SPATS1: variants seen among roughly 807,000 people sequenced by gnomAD.
The protein encoded by SPATS1 is spermatogenesis-associated serine-rich protein 1.
In SPATS1, 23 loss-of-function variants were observed where a neutral mutation model predicts 33.6. The ratio of observed to expected loss-of-function variants is 0.68; its 90% CI spans 0.49 to 0.97. The LOEUF is 0.97. Ranked by LOEUF, SPATS1 falls within the 50% of genes least tolerant of loss-of-function variation. The pLI is 0.00. For missense variants in SPATS1, 327 were observed against 361.0 expected, an observed-to-expected ratio of 0.91 and a Z score of 0.76; for synonymous variants, 131 against 125.6, an observed-to-expected ratio of 1.04 and a Z score of -0.29.
chr6:44,343,061 G>A, intron 1 of SPATS1, 35 bp from the exon 2 acceptor site: 1 of 1,612,148 alleles, frequency 6.2e-7, no homozygotes, highest in Non-Finnish European at 8.5e-7. Context: ...TTGTCTCTGG[G>A]TTGCTTCTAA....
intron 2 of SPATS1, among the ~76,000 whole-genome samples, chr6:44,343,813 A>G (rs1787711036): frequency 6.6e-6 from 1 of 152,146 alleles, no homozygotes. Context: ...TCTCCCAGAA[A>G]AGCTCAGAGT....
At chr6:44,357,764 T>A (rs180748911) in intron 3 of SPATS1, among the ~76,000 whole-genome samples, 4 of 152,288 alleles carry the variant, frequency 2.6e-5, no homozygotes, top group Admixed American at 6.5e-5. Context: ...CCTACCCAGT[T>A]TTAATGAGTA....
intron 2 of SPATS1, among the ~76,000 whole-genome samples, chr6:44,348,512 T>C (rs1161571860): frequency 6.6e-6 from 1 of 152,152 alleles, no homozygotes; most frequent in Non-Finnish European, 1.5e-5. Context: ...GAATTTTTGA[T>C]TTTGAACACT....
chr6:44,349,555 A>G (rs551305293), intron 2 of SPATS1, among the ~76,000 whole-genome samples: 2 of 152,334 alleles, frequency 1.3e-5, no homozygotes, highest in African/African-American at 2.4e-5. Context: ...CAATAAGTAT[A>G]AAATAAAAAT....
At chr6:44,367,599 T>C (rs1022310403) in intron 5 of SPATS1, among the ~76,000 whole-genome samples, 12 of 152,242 alleles carry the variant, frequency 7.9e-5, no homozygotes, top group Non-Finnish European at 1.5e-4. Flanking sequence ...ATGGAGGTCA[T>C]GCTTCCAGCC....
At chr6:44,359,977 G>A (rs1040555840) in intron 3 of SPATS1, among the ~76,000 whole-genome samples, 2 of 151,974 alleles carry the variant, frequency 1.3e-5, no homozygotes, top group Non-Finnish European at 2.9e-5. Context: ...TCCACTTTTT[G>A]GCTGTTGTGA....
At chr6:44,364,379 T>A (rs1265517365) in intron 5 of SPATS1, among the ~76,000 whole-genome samples, 1 of 152,220 alleles carries the variant, frequency 6.6e-6, no homozygotes, top group African/African-American at 2.4e-5. Context: ...TCTGTTAAGT[T>A]TCTTTCTCCC....
At chr6:44,370,900 A>G (rs1250512408) in intron 7 of SPATS1, among the ~76,000 whole-genome samples, 1 of 151,994 alleles carries the variant, frequency 6.6e-6, no homozygotes, top group Non-Finnish European at 1.5e-5. Context: ...GCTTTTGTAC[A>G]TTACCTTTCA....
At chr6:44,348,073 A>C (rs936596197) in intron 2 of SPATS1, among the ~76,000 whole-genome samples, 1 of 150,532 alleles carries the variant, frequency 6.6e-6, no homozygotes, top group Admixed American at 6.6e-5. Context: ...GTGTGGCATG[A>C]TCTCAGGTCA....
chr6:44,379,652 AC>A lies in SPATS1; in HGVS notation c.*2591del, dbSNP rs1254487252. Among the ~76,000 whole-genome samples, 1 of 150,250 alleles carries A rather than the reference AC, an allele frequency of 6.7e-6. No homozygotes were observed. Among genetic ancestry groups the A allele is most frequent in the African/African-American group, 2.4e-5 (1 of 41,114 alleles). On this transcript the variant is annotated 3_prime_UTR_variant, in exon 9 of 9. Transcript: ENST00000674044. Reference sequence around the variant, plus strand: ...AGAAAGAAAGAAAGAAAGAAAAACAACCAAAATACAGTTTTAGAAGGTTTGG... The same window carrying A: ...AGAAAGAAAGAAAGAAAGAAAAACAACAAAATACAGTTTTAGAAGGTTTGG...
chr6:44,346,079 G>T (rs1281490611), intron 2 of SPATS1, among the ~76,000 whole-genome samples: 6 of 152,094 alleles, frequency 3.9e-5, no homozygotes, highest in African/African-American at 1.4e-4. Flanking sequence ...TCAGGAGTTT[G>T]AGAGCAGCCT....
At position 44,380,087 on chromosome 6, in the gene SPATS1, T is replaced by C. The variant is rs1790136673; in HGVS notation, c.*3024T>C. ...TATCATAGCTGTTCCAGCTTTTGCT[T>C]CTTTCCAGCTAGAAAGAGGTTGAAC... On this transcript the variant is annotated 3_prime_UTR_variant, in exon 9 of 9. Transcript: ENST00000674044. Among the ~76,000 whole-genome samples the C allele has an allele frequency of 6.6e-6, 1 of 152,210 alleles. No homozygotes were observed. Among genetic ancestry groups the C allele is most frequent in the East Asian group, 1.9e-4 (1 of 5,198 alleles).
rs1790056056 is a variant in SPATS1 at position 44,378,172 on chromosome 6, G to A, written c.*1109G>A. ...CAGTGACCACCAGTCATGAGTTTTA[G>A]GGCCTCCTGTCAATCAGACAAGAAG... On this transcript the variant is annotated 3_prime_UTR_variant, in exon 9 of 9. Transcript: ENST00000674044. 2 of 152,090 alleles carry A rather than the reference G, an allele frequency of 1.3e-5. No homozygotes were observed. The highest frequency in any genetic ancestry group is 2.9e-5 in the Non-Finnish European group (2 of 68,048). The allele number at this position is 152,090 out of a possible 1,614,324, so 9.4% of individuals were successfully genotyped here. A position where few individuals can be genotyped will look rare whatever the true frequency, so the allele number is the denominator to read the frequency against.
Position 44,352,727 on chromosome 6 carries a change from T to A in SPATS1, c.141T>A (p.Ser47Arg), listed in dbSNP as rs759785903. The A allele has an allele frequency of 1.2e-6, 2 of 1,613,866 alleles. No individual in the cohort carries two copies. Among genetic ancestry groups the A allele is most frequent in the South Asian group, 2.2e-5 (2 of 91,076 alleles). Residue 47 changes from serine to arginine, a missense_variant and splice_region_variant, in exon 3 of 9, where the codon AGT (serine) becomes AGA (arginine). Transcript: ENST00000674044. ...SGMTEVERTY[S>R]ANCSDFLESK... ...AATGGTGATATCTCTGTGTTACAGGTGCTAATTGCAGTGATTTTCTGGAAT... is the reference window on the plus strand; with the variant it reads ...AATGGTGATATCTCTGTGTTACAGGAGCTAATTGCAGTGATTTTCTGGAAT...
chr6:44,353,136 G>C (rs1788342245), intron 3 of SPATS1, among the ~76,000 whole-genome samples: 1 of 152,160 alleles, frequency 6.6e-6, no homozygotes, highest in South Asian at 2.1e-4. Context: ...TTAATAGCTG[G>C]AAAGAGCTTA....
intron 2 of SPATS1, among the ~76,000 whole-genome samples, chr6:44,347,986 T>C (rs974967515): frequency 1.3e-5 from 2 of 151,780 alleles, no homozygotes; most frequent in African/African-American, 2.4e-5. Context: ...TATGGCCTTG[T>C]TTCATTTCTA....
rs565777182 is a variant in SPATS1, at chr6:44,343,154, C to T, written c.59C>T (p.Ser20Leu). The T allele has an allele frequency of 6.2e-7, 1 of 1,614,150 alleles. No individual in the cohort carries two copies. Among genetic ancestry groups the T allele is most frequent in the African/African-American group, 1.3e-5 (1 of 75,028 alleles). ...CGGGGCTGCCGTCTCCCCTCCATCT[C>T]AAGCACGACCTGCGGCAGACAGCTG... ...SPRGCRLPSI[S>L]STTCGRQLEK... The change falls in exon 2 of 9, where the codon TCA becomes TTA. Residue 20 changes from serine to leucine, a missense_variant. By Grantham distance (145) the Ser-to-Leu change is moderately radical. Transcript: ENST00000674044.
In SPATS1 at chr6:44,368,380, T is replaced by C; in HGVS notation, c.576T>C (p.Asp192=). The C allele has an allele frequency of 1.2e-6, 2 of 1,613,072 alleles. No individual in the cohort carries two copies. Among genetic ancestry groups the C allele is most frequent in the Non-Finnish European group, 1.7e-6 (2 of 1,179,628 alleles). Residue 192 remains aspartate, a splice_region_variant and synonymous_variant, in exon 6 of 9, where the codon GAT becomes GAC. Transcript: ENST00000674044. ...VDKCFGRKKY[D]IDPRNGIPKL... ...TTTGTTTTCAAACCTTCTCCACAGATATTGATCCCAGGAATGGAATCCCAA... is the reference window on the plus strand; with the variant it reads ...TTTGTTTTCAAACCTTCTCCACAGACATTGATCCCAGGAATGGAATCCCAA...
intron 7 of SPATS1, among the ~76,000 whole-genome samples, chr6:44,373,210 A>G (rs1242646929): frequency 1.3e-5 from 2 of 152,114 alleles, no homozygotes; most frequent in Non-Finnish European, 2.9e-5. Flanking sequence ...CGGCTCCTCA[A>G]ACTCATAGAG....
Sources: allele counts gnomAD v4.1 joint callset (sites outside exome capture counted in the v4.1 genomes callset), GRCh38; gene constraint gnomAD v4.1.1; transcripts MANE v1.5; gene names NCBI Gene and HGNC (gene_info 2026-07-23, HGNC 2026-07-21).